Variants in PLPPR5 observed in about 807,000 individuals in gnomAD.
PLPPR5 encodes the protein phospholipid phosphatase-related protein type 5.
In PLPPR5, 16 loss-of-function variants were observed where a neutral mutation model predicts 33.9. The ratio of observed to expected loss-of-function variants is 0.47; its 90% CI spans 0.32 to 0.72. PLPPR5 has a LOEUF of 0.72. Ranked by LOEUF, PLPPR5 falls within the 30% of genes least tolerant of loss-of-function variation. The pLI, the probability that PLPPR5 is intolerant of heterozygous loss-of-function variation, is 0.03. For missense variants in PLPPR5, 301 were observed against 406.7 expected (o/e 0.74, Z 2.23); for synonymous variants, 163 against 150.3 (o/e 1.08, Z -0.62).
In PLPPR5 at chr1:99,004,707, G is replaced by C. The variant is rs760087993; in HGVS notation, c.-36C>G. ...CGGGCCGGGCCGAGCCGAGCCGAGC[G>C]GGCGGTCGACGCGGTGGGCCCCCTC... On this transcript the variant is annotated 5_prime_UTR_variant, in exon 1 of 6. Coordinates refer to ENST00000263177, the MANE Select transcript of PLPPR5 (RefSeq NM_001037317.2). 7.0e-7 allele frequency: 1 copy of C among 1,433,724 alleles called. No homozygotes were observed. Among genetic ancestry groups the C allele is most frequent in the African/African-American group, 1.5e-5 (1 of 68,654 alleles). 88.8% of individuals were successfully genotyped at this position (1,433,724 alleles called of 1,614,324 possible).
At chr1:98,927,900 TATA>T (rs985930472) in intron 3 of PLPPR5, among the ~76,000 whole-genome samples, 3 of 151,928 alleles carry the variant, frequency 2.0e-5, no homozygotes, top group African/African-American at 4.8e-5. Flanking sequence ...GATAATAAAA[TATA>T]ATAATAAGAC....
At chr1:98,910,833 C>A (rs969984683) in intron 5 of PLPPR5, among the ~76,000 whole-genome samples, 53 of 150,766 alleles carry the variant, frequency 3.5e-4, no homozygotes, top group African/African-American at 1.3e-3. Context: ...AAAAGCCATG[C>A]AGATATGGGG....
At chr1:98,929,168 T>C (rs1409500968) in intron 3 of PLPPR5, among the ~76,000 whole-genome samples, 1 of 152,192 alleles carries the variant, frequency 6.6e-6, no homozygotes, top group Non-Finnish European at 1.5e-5. Flanking sequence ...CTCTTAGTTA[T>C]ATCACTTGTA....
chr1:98,991,505 T>C (rs1038754831), intron 1 of PLPPR5, among the ~76,000 whole-genome samples: 1 of 152,152 alleles, frequency 6.6e-6, no homozygotes, highest in African/African-American at 2.4e-5. Context: ...GTTAAGAACA[T>C]AAGACATCTT....
chr1:99,004,444 G>T lies in PLPPR5; in HGVS notation c.228C>A (p.Pro76=), dbSNP rs148163708. The T allele has an allele frequency of 4.1e-5, 65 of 1,604,610 alleles. No homozygotes were observed. In the African/African-American group the frequency reaches 7.0e-4, roughly 17 times the overall value. The change falls in exon 1 of 6, where the codon CCC becomes CCA. Residue 76 remains proline, a synonymous_variant. Coordinates refer to ENST00000263177, the MANE Select transcript of PLPPR5 (RefSeq NM_001037317.2). The part of the protein sequence containing the change: ...VLLYSLAAGV[P]VLVIIVGETA... ...GCGCCCCCGGGCTTACCACGAGCAC[G>T]GGGACCCCGGCGGCCAGCGAGTAGA...
At position 98,892,330 on chromosome 1, in the gene PLPPR5, C is replaced by T. The variant is rs1648306185; in HGVS notation, c.*742G>A. The T allele has an allele frequency of 6.6e-6, 1 of 152,372 alleles. No homozygotes were observed. 9.4% of individuals were successfully genotyped at this position (152,372 alleles called of 1,614,324 possible). On this transcript the variant is annotated 3_prime_UTR_variant, in exon 6 of 6. Coordinates refer to ENST00000263177, the MANE Select transcript of PLPPR5 (RefSeq NM_001037317.2). ...CCTAAATACTGCCTGCATTCAAAAA[C>T]AAGTCATGAATTAAGCCACAATTGT...
At chr1:98,966,509 G>T (rs1280159635) in intron 1 of PLPPR5, among the ~76,000 whole-genome samples, 1 of 152,132 alleles carries the variant, frequency 6.6e-6, no homozygotes, top group Non-Finnish European at 1.5e-5. Context: ...AGTTACAGAA[G>T]AAGAAAATAA....
At position 98,891,632 on chromosome 1, in the gene PLPPR5, T is replaced by G. The variant is rs1349342176; in HGVS notation, c.*1440A>C. On this transcript the variant is annotated 3_prime_UTR_variant, in exon 6 of 6. Coordinates refer to ENST00000263177, the MANE Select transcript of PLPPR5 (RefSeq NM_001037317.2). Reference sequence around the variant, plus strand: ...GGAAGGGGAGATGCTGAATTTAGGCTTCTCTTTCACAAAAAGCCTCACATC... The same window carrying G: ...GGAAGGGGAGATGCTGAATTTAGGCGTCTCTTTCACAAAAAGCCTCACATC... The G allele has an allele frequency of 6.6e-6, 1 of 152,068 alleles. No homozygotes were observed. The highest frequency in any genetic ancestry group is 2.4e-5 in the African/African-American group (1 of 41,420). The allele number at this position is 152,068 out of a possible 1,614,324, so 9.4% of individuals were successfully genotyped here.
At chr1:98,904,586 A>G (rs566772577) in intron 5 of PLPPR5, among the ~76,000 whole-genome samples, 20 of 152,286 alleles carry the variant, frequency 1.3e-4, no homozygotes, top group African/African-American at 4.8e-4. Context: ...ATCAGTTAAA[A>G]TGGATAATTC....
At chr1:98,918,490 C>T (rs914448958) in intron 4 of PLPPR5, among the ~76,000 whole-genome samples, 3 of 152,108 alleles carry the variant, frequency 2.0e-5, no homozygotes, top group Non-Finnish European at 2.9e-5. Flanking sequence ...ATAGTATTTG[C>T]CTTGTATTTT....
intron 3 of PLPPR5, among the ~76,000 whole-genome samples, chr1:98,933,511 A>G (rs940352999): frequency 1.3e-5 from 2 of 151,720 alleles, no homozygotes; most frequent in Admixed American, 6.6e-5. Context: ...GGATTTCAGA[A>G]TTAAGAATAA....
chr1:98,941,511 C>A lies in PLPPR5; in HGVS notation c.621+11559G>T, dbSNP rs538533102. Among the ~76,000 whole-genome samples the A allele has an allele frequency of 4.2e-4, 63 of 149,918 alleles. 1 individual carries two copies. The highest frequency in any genetic ancestry group is 1.5e-3 in the African/African-American group (61 of 40,942). On this transcript the variant is annotated intron_variant, in intron 3 of 5. Transcript: ENST00000263177. ...TTTCTAGAAATTTCTTTCAAAGATG[C>A]GACGGTAGCTTGAATTAACGGAATT...
At chr1:98,985,341 C>T (rs1195586200) in intron 1 of PLPPR5, among the ~76,000 whole-genome samples, 2 of 152,030 alleles carry the variant, frequency 1.3e-5, no homozygotes, top group African/African-American at 4.8e-5. Flanking sequence ...AACAGAGTCA[C>T]GTGCTGCATA....
rs759210315 is a variant in PLPPR5 at position 99,004,651 on chromosome 1, C to G, written c.21G>C (p.Ala7=). 6 of 1,611,362 alleles carry G rather than the reference C, an allele frequency of 3.7e-6. No individual in the cohort carries two copies. The Admixed American group carries it at 1.0e-4, about 27-fold the overall frequency. The change falls in exon 1 of 6, where the codon GCG becomes GCC. Residue 7 remains alanine (A), a synonymous_variant. Coordinates refer to ENST00000263177, the MANE Select transcript of PLPPR5 (RefSeq NM_001037317.2). Reference sequence around the variant, plus strand: ...GGAAATAGAGCATGCTGCTGGTGAGCGCCGCGGGCAGCAGGGGCATGCACG... The same window carrying G: ...GGAAATAGAGCATGCTGCTGGTGAGGGCCGCGGGCAGCAGGGGCATGCACG... MPLLPA[A]LTSSMLYFQM...
intron 3 of PLPPR5, among the ~76,000 whole-genome samples, chr1:98,923,123 T>C (rs1649633453): frequency 2.0e-5 from 3 of 152,230 alleles, no homozygotes; most frequent in Admixed American, 1.3e-4. Context: ...TGTCAATTGA[T>C]TGCAGCAAAT....
At chr1:98,911,860 A>G (rs1332380563) in intron 5 of PLPPR5, among the ~76,000 whole-genome samples, 4 of 152,060 alleles carry the variant, frequency 2.6e-5, no homozygotes, top group Admixed American at 2.6e-4. Flanking sequence ...CCTGGGCTCA[A>G]GCAATCCTCC....
At chr1:98,973,025 C>G (rs1651711061) in intron 1 of PLPPR5, among the ~76,000 whole-genome samples, 1 of 152,094 alleles carries the variant, frequency 6.6e-6, no homozygotes, top group South Asian at 2.1e-4. Flanking sequence ...CAGACACATA[C>G]TGTAGCAGAG....
chr1:98,906,196 T>G (rs1330352069), intron 5 of PLPPR5, among the ~76,000 whole-genome samples: 1 of 150,928 alleles, frequency 6.6e-6, no homozygotes, highest in South Asian at 2.1e-4. Flanking sequence ...TATATATATA[T>G]AGTGTGTGTG....
In PLPPR5 at chr1:98,953,091, G is replaced by A. The variant is rs309087; in HGVS notation, c.600C>T (p.Val200=). ...TTACGGTCAGATACATAGCTGCATA[G>A]ACACTGAGAGCTGCTTCTTTGGATG... The part of the protein sequence containing the change: ...TFPSKEAALS[V]YAAMYLTMYI... Residue 200 remains valine, a synonymous_variant, in exon 3 of 6, where the codon GTC becomes GTT. Transcript: ENST00000263177. 1 of 1,613,806 alleles carries A rather than the reference G, an allele frequency of 6.2e-7. No homozygotes were observed. Among genetic ancestry groups the A allele is most frequent in the Admixed American group, 1.7e-5 (1 of 59,990 alleles).
Sources: allele counts gnomAD v4.1 joint callset (sites outside exome capture counted in the v4.1 genomes callset), GRCh38; gene constraint gnomAD v4.1.1; transcripts MANE v1.5; gene names NCBI Gene and HGNC (gene_info 2026-07-23, HGNC 2026-07-21).